Variants in LGR5 observed in about 807,000 individuals in gnomAD.
LGR5 encodes leucine rich repeat containing G protein-coupled receptor 5, also known as leucine-rich repeat-containing G protein-coupled receptor 5.
A neutral mutation model predicts 76.7 loss-of-function variants in LGR5; 54 were observed. The observed-to-expected ratio is 0.70, with a 90% CI of 0.57 to 0.88. The LOEUF (loss-of-function observed/expected upper bound fraction) is 0.88, where lower values mean the gene tolerates loss of function less well. Among genes scored for constraint, LGR5 ranks in the 40% least tolerant of loss-of-function variants. The pLI is 0.00. For missense variants in LGR5, 1,078 were observed against 1,073.3 expected (o/e 1.00, Z -0.06); for synonymous variants, 406 against 421.9 (o/e 0.96, Z 0.46).
rs538264501 is a variant in LGR5 at position 71,451,806 on chromosome 12, A to T, written c.212+11514A>T. On this transcript the variant is annotated intron_variant, in intron 1 of 17. Transcript: ENST00000266674. The stretch of plus-strand genomic sequence containing the variant: ...TCTTGGAGCCTTGCTGCTCCTAGAG[A>T]GACTGCCCCTCCTAGGGCTAGGGAA... Among the ~76,000 whole-genome samples, 44 of 152,240 alleles carry T rather than the reference A, an allele frequency of 2.9e-4. No individual in the cohort carries two copies. In the South Asian group the frequency reaches 3.1e-3, roughly 11 times the overall value.
At chr12:71,448,477 G>C (rs1330012963) in intron 1 of LGR5, 1 of 152,176 alleles carries the variant, frequency 6.6e-6, no homozygotes, top group Non-Finnish European at 1.5e-5. Context: ...GTTGTGTTTG[G>C]GTTGATGCAA....
chr12:71,498,405 A>C (rs1482666140), intron 1 of LGR5, among the ~76,000 whole-genome samples: 1 of 152,206 alleles, frequency 6.6e-6, no homozygotes, highest in Non-Finnish European at 1.5e-5. Context: ...GGGAAGTCCA[A>C]GATCAAGGTA....
chr12:71,527,502 A>T (rs1423967830), intron 3 of LGR5, among the ~76,000 whole-genome samples: 2 of 152,188 alleles, frequency 1.3e-5, no homozygotes, highest in African/African-American at 4.8e-5. Context: ...AAAGGCAAAA[A>T]AGGAATAAAC....
chr12:71,484,961 G>A (rs1873765327), intron 1 of LGR5, among the ~76,000 whole-genome samples: 1 of 152,146 alleles, frequency 6.6e-6, no homozygotes, highest in Non-Finnish European at 1.5e-5. Flanking sequence ...GTGACCAGTA[G>A]AACCTAAGCC....
chr12:71,550,169 AT>A (rs1015521151), intron 4 of LGR5, among the ~76,000 whole-genome samples: 8 of 149,686 alleles, frequency 5.3e-5, no homozygotes, highest in African/African-American at 1.2e-4. Context: ...TTATTTTTTT[AT>A]TTTTTTTTTA....
intron 1 of LGR5, among the ~76,000 whole-genome samples, chr12:71,492,759 G>C (rs2137281935): frequency 6.6e-6 from 1 of 152,144 alleles, no homozygotes; most frequent in South Asian, 2.1e-4. Flanking sequence ...TAAGGTACAG[G>C]TTTCTTTGTT....
At chr12:71,502,620 T>C (rs1874660336) in intron 1 of LGR5, among the ~76,000 whole-genome samples, 1 of 152,174 alleles carries the variant, frequency 6.6e-6, no homozygotes, top group Non-Finnish European at 1.5e-5. Context: ...GGCTGCATAA[T>C]GAGGTTAGTT....
chr12:71,554,231 T>G (rs1274729516), intron 5 of LGR5, among the ~76,000 whole-genome samples: 1 of 152,204 alleles, frequency 6.6e-6, no homozygotes, highest in African/African-American at 2.4e-5. Flanking sequence ...GAATGGGGAA[T>G]GCTGATTTGT....
chr12:71,559,511 G>T, intron 6 of LGR5, 75 bp from the exon 7 acceptor site: 1 of 824,012 alleles, frequency 1.2e-6, no homozygotes, highest in Admixed American at 2.0e-5. Flanking sequence ...GGAATAGCAT[G>T]TTAACTTTCC....
chr12:71,553,258 C>A lies in LGR5; in HGVS notation c.614C>A (p.Ala205Asp). ...LNKIHHIPDYAFGNLSSLVVL... is the reference protein window; with the variant it reads ...LNKIHHIPDYDFGNLSSLVVL... Reference sequence around the variant, plus strand: ...AAAATACACCACATACCAGACTATGCCTTTGGAAACCTCTCCAGCTTGGTA... The same window carrying A: ...AAAATACACCACATACCAGACTATGACTTTGGAAACCTCTCCAGCTTGGTA... Residue 205 changes from alanine to aspartate, a missense_variant, in exon 5 of 18, where the codon GCC (alanine) becomes GAC (aspartate). Coordinates refer to ENST00000266674, the MANE Select transcript of LGR5 (RefSeq NM_003667.4). 1 of 1,613,816 alleles carries A rather than the reference C, an allele frequency of 6.2e-7. No individual in the cohort carries two copies. Among genetic ancestry groups the A allele is most frequent in the Non-Finnish European group, 8.5e-7 (1 of 1,179,934 alleles).
intron 1 of LGR5, among the ~76,000 whole-genome samples, chr12:71,500,249 C>G (rs1462441337): frequency 1.3e-5 from 2 of 152,044 alleles, no homozygotes; most frequent in Admixed American, 6.6e-5. Context: ...CCATAAGAAA[C>G]AGTACCTTTA....
chr12:71,459,105 G>A (rs1872595985), intron 1 of LGR5, among the ~76,000 whole-genome samples: 1 of 151,982 alleles, frequency 6.6e-6, no homozygotes, highest in Non-Finnish European at 1.5e-5. Context: ...AGACCAGTAT[G>A]TACCTTATAC....
At chr12:71,538,213 A>G (rs1876698275) in intron 4 of LGR5, among the ~76,000 whole-genome samples, 1 of 152,180 alleles carries the variant, frequency 6.6e-6, no homozygotes, top group Admixed American at 6.5e-5. Flanking sequence ...GCCTAGAACA[A>G]TTAAAATCAG....
intron 4 of LGR5, among the ~76,000 whole-genome samples, chr12:71,548,440 G>C (rs1329279223): frequency 1.3e-5 from 2 of 152,146 alleles, no homozygotes; most frequent in South Asian, 4.1e-4. Flanking sequence ...AGGGTTGAAA[G>C]AAATAGCCTG....
In LGR5 at chr12:71,578,908, C is replaced by T; in HGVS notation, c.1385C>T (p.Ser462Phe). 1.9e-6 allele frequency: 3 copies of T among 1,605,524 alleles called. No individual in the cohort carries two copies. The highest frequency in any genetic ancestry group is 2.6e-6 in the Non-Finnish European group (3 of 1,176,296). Residue 462 changes from serine to phenylalanine, a missense_variant, in exon 15 of 18, where the codon TCT (serine) becomes TTT (phenylalanine). Transcript: ENST00000266674. ...CATGCCTTACAGAGCTTGATATCATCTGAAAACTTTCCAGAACTCAAGTGA... is the reference window on the plus strand; with the variant it reads ...CATGCCTTACAGAGCTTGATATCATTTGAAAACTTTCCAGAACTCAAGTGA... ...GNHALQSLISSENFPELKVIE... is the reference protein window; with the variant it reads ...GNHALQSLISFENFPELKVIE...
chr12:71,502,589 C>T (rs188077169), intron 1 of LGR5, among the ~76,000 whole-genome samples: 4 of 152,258 alleles, frequency 2.6e-5, no homozygotes, highest in South Asian at 4.1e-4. Context: ...CATAGAGACA[C>T]CCTTGTTTAA....
intron 3 of LGR5, among the ~76,000 whole-genome samples, chr12:71,531,696 C>T (rs1328395390): frequency 3.3e-5 from 5 of 152,002 alleles, no homozygotes; most frequent in Non-Finnish European, 5.9e-5. Context: ...GGTGAAACCC[C>T]GTTGCTGCTA....
chr12:71,439,777 G>A (rs978650315), upstream of LGR5: 2 of 357,480 alleles, frequency 5.6e-6, no homozygotes, highest in Admixed American at 9.9e-5. Context: ...TTTAAAAAAC[G>A]AGCGTGCAAG....
chr12:71,467,210 C>T (rs528073460), intron 1 of LGR5, among the ~76,000 whole-genome samples: 1 of 152,130 alleles, frequency 6.6e-6, no homozygotes, highest in African/African-American at 2.4e-5. Context: ...TGTCTGATTC[C>T]AAAGCCTGTA....
Sources: gnomAD v4.1 joint callset for allele counts (sites outside exome capture counted in the v4.1 genomes callset) on GRCh38, gnomAD v4.1.1 for gene constraint, MANE v1.5 for transcripts, NCBI Gene and HGNC (gene_info 2026-07-23, HGNC 2026-07-21) for gene names.